Variants in IFT172 observed in about 807,000 individuals in gnomAD.
The protein encoded by IFT172 is intraflagellar transport protein 172 homolog.
In IFT172, 164 loss-of-function variants were observed where a neutral mutation model predicts 248.9. The ratio of observed to expected loss-of-function variants is 0.66; its 90% CI spans 0.58 to 0.75. The LOEUF (loss-of-function observed/expected upper bound fraction) is 0.75. IFT172 is among the 30% of genes least tolerant of loss of function. The pLI, the probability that IFT172 is intolerant of heterozygous loss-of-function variation, is 0.00. For missense variants in IFT172, 1,950 were observed against 2,192.4 expected, an observed-to-expected ratio of 0.89 and a Z score of 2.21; for synonymous variants, 729 against 791.6, an observed-to-expected ratio of 0.92 and a Z score of 1.33.
chr2:27,463,218 A>G (rs771130425), intron 18 of IFT172, 37 bp from the exon 19 acceptor site: 1 of 1,556,834 alleles, frequency 6.4e-7, no homozygotes, highest in Admixed American at 1.7e-5. Flanking sequence ...TAGTAATATT[A>G]TTATAGAATC....
intron 16 of IFT172, among the ~76,000 whole-genome samples, chr2:27,470,236 C>A: frequency 6.9e-6 from 1 of 144,604 alleles, no homozygotes; most frequent in South Asian, 2.2e-4. Flanking sequence ...AGTGGGAGAC[C>A]CTGTCTCAGA....
At chr2:27,481,653 G>C (rs765559826) in intron 7 of IFT172, among the ~76,000 whole-genome samples, 15 of 151,028 alleles carry the variant, frequency 9.9e-5, no homozygotes, top group Non-Finnish European at 2.2e-4. Context: ...CGATTCTCCT[G>C]TCTCAGCCTC....
chr2:27,459,554 G>A, intron 24 of IFT172, 32 bp from the exon 25 acceptor site: 1 of 1,612,036 alleles, frequency 6.2e-7, no homozygotes. Context: ...TAAATATGTA[G>A]GATGAAAGAT....
At chr2:27,455,370 G>T in intron 30 of IFT172, 1 of 296,262 alleles carries the variant, frequency 3.4e-6, no homozygotes, top group South Asian at 3.0e-5. Context: ...AACAAGTGTA[G>T]AGTGATCAGC....
intron 16 of IFT172, among the ~76,000 whole-genome samples, chr2:27,468,851 A>C (rs1667329938): frequency 6.6e-6 from 1 of 151,140 alleles, no homozygotes; most frequent in Non-Finnish European, 1.5e-5. Context: ...TCCGTCTCAA[A>C]AAAAAAAAAA....
chr2:27,447,372 G>A, intron 42 of IFT172, 143 bp downstream of exon 42: 2 of 1,278,492 alleles, frequency 1.6e-6, no homozygotes, highest in Admixed American at 4.5e-5. Flanking sequence ...CTAAAGATTT[G>A]TTTAGACAGA....
At chr2:27,477,951 C>G (rs758444275) in intron 11 of IFT172, 44 bp downstream of exon 11, 1 of 1,609,564 alleles carries the variant, frequency 6.2e-7, no homozygotes, top group Non-Finnish European at 8.5e-7. Context: ...AATATTAAGC[C>G]AAGATGCCCT....
At chr2:27,464,497 C>A (rs1407364927) in intron 18 of IFT172, among the ~76,000 whole-genome samples, 1 of 152,090 alleles carries the variant, frequency 6.6e-6, no homozygotes. Flanking sequence ...AACTGCACTC[C>A]TATACCAAAC....
chr2:27,487,877 G>A (rs991416280), intron 1 of IFT172, among the ~76,000 whole-genome samples: 2 of 152,078 alleles, frequency 1.3e-5, no homozygotes, highest in Non-Finnish European at 1.5e-5. Flanking sequence ...GAACCACTGC[G>A]CCTGGCCTAG....
chr2:27,481,353 C>T, intron 7 of IFT172, 93 bp from the exon 8 acceptor site: 1 of 908,992 alleles, frequency 1.1e-6, no homozygotes, highest in Non-Finnish European at 1.7e-6. Context: ...CTCTGACCAT[C>T]ATACCCTGCA....
chr2:27,468,255 CAG>C (rs1043345098), intron 16 of IFT172, among the ~76,000 whole-genome samples: 42 of 151,610 alleles, frequency 2.8e-4, no homozygotes, highest in African/African-American at 9.9e-4. Flanking sequence ...GTTTCTGAGA[CAG>C]AGTCTTACTC....
intron 3 of IFT172, 43 bp downstream of exon 3, chr2:27,484,975 C>G (rs751648430): frequency 1.8e-6 from 2 of 1,140,202 alleles, no homozygotes; most frequent in East Asian, 4.7e-5. Flanking sequence ...CTTGCCTTCC[C>G]CTTCTTTCCT....
chr2:27,455,669 C>T (rs1004330741), intron 30 of IFT172: 2 of 254,100 alleles, frequency 7.9e-6, no homozygotes, highest in Non-Finnish European at 1.5e-5. Context: ...CAAGGTTGCA[C>T]CACTGCACTC....
rs546680083 is a variant in IFT172 at position 27,447,715 on chromosome 2, G to A, written c.4540-81C>T. ...TAGAGTGGTCTCTGATAGCCACCTG[G>A]CAGAGGAAGGTAAAATACATCTGAG... On this transcript the variant is annotated intron_variant, in intron 41 of 47. Coordinates refer to ENST00000260570, the MANE Select transcript of IFT172 (RefSeq NM_015662.3). 3.1e-6 allele frequency: 5 copies of A among 1,607,412 alleles called. No homozygotes were observed. The East Asian group carries it at 1.1e-4, about 36-fold the overall frequency.
Position 27,450,102 on chromosome 2 carries a change from T to G in IFT172, c.3952-6A>C, listed in dbSNP as rs908057940. 4 of 1,605,666 alleles carry G rather than the reference T, an allele frequency of 2.5e-6. No individual in the cohort carries two copies. Among genetic ancestry groups the G allele is most frequent in the Admixed American group, 1.7e-5 (1 of 59,988 alleles). On this transcript the variant is annotated splice_polypyrimidine_tract_variant and splice_region_variant and intron_variant, in intron 35 of 47. Coordinates refer to ENST00000260570, the MANE Select transcript of IFT172 (RefSeq NM_015662.3). ...TTGATGGAGAGTTCAGCTGCCTGAG[T>G]GGTTGAACAGAAGATGGAAATGGGT...
Position 27,484,944 on chromosome 2 carries a change from C to T in IFT172, c.296+74G>A, listed in dbSNP as rs574602158. The stretch of plus-strand genomic sequence containing the variant: ...TTGGCTTCTCATCCCCTGTATTTCC[C>T]CTCCCCAGTGAGGCATTTCTCTTGC... On this transcript the variant is annotated intron_variant, in intron 3 of 47. Transcript: ENST00000260570. The T allele has an allele frequency of 4.6e-6, 4 of 870,678 alleles. No homozygotes were observed. In the Admixed American group the frequency reaches 5.9e-5, roughly 13 times the overall value. 53.9% of individuals were successfully genotyped at this position (870,678 alleles called of 1,614,324 possible).
At chr2:27,473,861 G>A (rs572125922) in intron 14 of IFT172, among the ~76,000 whole-genome samples, 19 of 151,314 alleles carry the variant, frequency 1.3e-4, no homozygotes, top group African/African-American at 4.6e-4. Flanking sequence ...AGGCTGGAGT[G>A]CAGTGGCACG....
Position 27,445,816 on chromosome 2 carries a change from G to A in IFT172, c.4843C>T (p.Leu1615Phe). 6.2e-7 allele frequency: 1 copy of A among 1,614,168 alleles called. No individual in the cohort carries two copies. Among genetic ancestry groups the A allele is most frequent in the Non-Finnish European group, 8.5e-7 (1 of 1,180,032 alleles). Residue 1615 changes from leucine to phenylalanine, a missense_variant, in exon 45 of 48, where the codon CTT becomes TTT. Leu to Phe is a conservative substitution (Grantham distance 22). Transcript: ENST00000260570. This position sits in a 1 kb window ranked among gnomAD's most constrained non-coding sequence, Gnocchi z 4.4. Reference sequence around the variant, plus strand: ...GTATCCTGAAAATCAGAGTGGTCAAGGCCATCTAGAGTCCCTTCCTCGATT... The same window carrying A: ...GTATCCTGAAAATCAGAGTGGTCAAAGCCATCTAGAGTCCCTTCCTCGATT... ...DAIEEGTLDG[L>F]DHSDFQDTDI...
rs1558355483 is a variant in IFT172 at position 27,448,390 on chromosome 2, C to CAT, written c.4429-469_4429-468insAT. Among the ~76,000 whole-genome samples the CAT allele has an allele frequency of 5.2e-3, 784 of 151,836 alleles. 4 individuals carry two copies. Among genetic ancestry groups the CAT allele is most frequent in the African/African-American group, 0.018 (747 of 41,332 alleles). ...TTGGGATTACAGGCGTGAGCCACTGCGCCCGGCCAACAGTGGCAGATTATT... is the reference window on the plus strand; with the variant it reads ...TTGGGATTACAGGCGTGAGCCACTGCATGCCCGGCCAACAGTGGCAGATTATT... On this transcript the variant is annotated intron_variant, in intron 40 of 47. Transcript: ENST00000260570.
Sources: allele counts gnomAD v4.1 joint callset (sites outside exome capture counted in the v4.1 genomes callset), GRCh38; gene constraint gnomAD v4.1.1; non-coding constraint Gnocchi (gnomAD v3.1); transcripts MANE v1.5; gene names NCBI Gene and HGNC (gene_info 2026-07-23, HGNC 2026-07-21).